Variants in RNF216 observed in about 807,000 individuals in gnomAD.
RNF216 encodes the protein E3 ubiquitin-protein ligase RNF216.
RNF216 carries 72 observed loss-of-function variants against 110.8 expected under a neutral mutation model. The observed-to-expected ratio is 0.65, with a 90% CI of 0.54 to 0.79. The LOEUF (loss-of-function observed/expected upper bound fraction) is 0.79, where lower values mean the gene tolerates loss of function less well. Ranked by LOEUF, RNF216 falls within the 30% of genes least tolerant of loss-of-function variation. The pLI, the probability that RNF216 is intolerant of heterozygous loss-of-function variation, is 0.00. For synonymous variants in RNF216, 495 were observed against 407.5 expected (o/e 1.21, Z -2.59); for missense variants, 1,342 against 1,141.2 (o/e 1.18, Z -2.54).
chr7:5,699,255 T>C (rs923358051), intron 13 of RNF216, among the ~76,000 whole-genome samples: 1 of 152,154 alleles, frequency 6.6e-6, no homozygotes, highest in African/African-American at 2.4e-5. Flanking sequence ...AATATTTCAG[T>C]TTGTATCTGC....
rs745635533 is a variant in RNF216 at position 5,761,107 on chromosome 7, T to A, written c.-38A>T. Reference sequence around the variant, plus strand: ...ACATGCATATATGGGACTGCTAATATCTAAACATGGTGACCATCTGTTTCA... The same window carrying A: ...ACATGCATATATGGGACTGCTAATAACTAAACATGGTGACCATCTGTTTCA... On this transcript the variant is annotated 5_prime_UTR_variant, in exon 2 of 17. Transcript: ENST00000389902. The A allele has an allele frequency of 5.1e-6, 7 of 1,368,052 alleles. No homozygotes were observed. The Admixed American group carries it at 1.5e-4, about 29-fold the overall frequency. The allele number at this position is 1,368,052 out of a possible 1,614,324, so 84.7% of individuals were successfully genotyped here. A position where few individuals can be genotyped will look rare whatever the true frequency, so the allele number is the denominator to read the frequency against.
intron 15 of RNF216, among the ~76,000 whole-genome samples, chr7:5,636,458 T>C (rs1021631289): frequency 1.3e-5 from 2 of 152,216 alleles, no homozygotes; most frequent in African/African-American, 2.4e-5. Flanking sequence ...TCATTAAGGA[T>C]GAAAACTCAA....
rs7788185 is a variant in RNF216, at chr7:5,628,681, C to G, written c.2383-4556G>C. Among the ~76,000 whole-genome samples, 364 of 134,308 alleles carry G rather than the reference C, an allele frequency of 2.7e-3. 1 individual carries two copies. The highest frequency in any genetic ancestry group is 1.0e-2 in the African/African-American group (345 of 34,632). 88.1% of individuals were successfully genotyped at this position (134,308 alleles called of 152,430 possible). On this transcript the variant is annotated intron_variant, in intron 15 of 16. Transcript: ENST00000389902. ...AGACTACAGGCGCCCACCACCATAT[C>G]TGACTTTTTTTTTTTTTTTTGTAGA...
chr7:5,713,010 T>A, intron 11 of RNF216, 147 bp from the exon 12 acceptor site: 1 of 773,994 alleles, frequency 1.3e-6, no homozygotes, highest in Non-Finnish European at 2.0e-6. Context: ...ACTTAAATCA[T>A]GGAAACCATG....
rs1791656173 is a variant in RNF216 at position 5,696,769 on chromosome 7, A to C, written c.2061+14992T>G. 6.6e-6 allele frequency among the ~76,000 whole-genome samples: 1 copy of C among 152,168 alleles called. No homozygotes were observed. The highest frequency in any genetic ancestry group is 1.5e-5 in the Non-Finnish European group (1 of 68,028). On this transcript the variant is annotated intron_variant, in intron 13 of 16. Coordinates refer to ENST00000389902, the MANE Select transcript of RNF216 (RefSeq NM_207111.4). The surrounding 1 kb of genome is among the most constrained non-coding windows in gnomAD (Gnocchi z 5.4). Reference sequence around the variant, plus strand: ...AGTAATCACAGCAAATACCTGCAACATTGTACGAACGGGCTCTGGGAGGGC... The same window carrying C: ...AGTAATCACAGCAAATACCTGCAACCTTGTACGAACGGGCTCTGGGAGGGC...
At chr7:5,670,273 C>G (rs1051225181) in intron 13 of RNF216, among the ~76,000 whole-genome samples, 1 of 151,978 alleles carries the variant, frequency 6.6e-6, no homozygotes, top group Non-Finnish European at 1.5e-5. Flanking sequence ...GTGAGACTTT[C>G]AGGATCCATT....
chr7:5,642,054 A>AAAG (rs1787766972), intron 14 of RNF216, among the ~76,000 whole-genome samples: 1 of 151,066 alleles, frequency 6.6e-6, no homozygotes, highest in African/African-American at 2.4e-5. Flanking sequence ...AAGAAAAAAA[A>AAAG]AAAGAAAGAA....
intron 1 of RNF216, among the ~76,000 whole-genome samples, chr7:5,763,229 C>T (rs1428944312): frequency 6.6e-6 from 1 of 152,144 alleles, no homozygotes. Context: ...TTAAGTCACA[C>T]TCCACATATT....
At chr7:5,732,382 C>T (rs1297318930) in intron 5 of RNF216, among the ~76,000 whole-genome samples, 3 of 152,094 alleles carry the variant, frequency 2.0e-5, no homozygotes, top group African/African-American at 7.2e-5. Context: ...TACGTGTTTT[C>T]TCAAGTAAAT....
intron 15 of RNF216, among the ~76,000 whole-genome samples, chr7:5,638,324 T>C (rs77309054): frequency 0.012 from 1,857 of 152,336 alleles, 38 homozygotes; most frequent in African/African-American, 0.042. Context: ...TTAAATGGTG[T>C]TTCTAAATTT....
intron 13 of RNF216, among the ~76,000 whole-genome samples, chr7:5,672,884 G>T (rs1340366506): frequency 6.6e-6 from 1 of 152,156 alleles, no homozygotes; most frequent in Non-Finnish European, 1.5e-5. Flanking sequence ...ATAATGCTGA[G>T]GAGCCCTACT....
At chr7:5,658,801 C>T (rs1458549714) in intron 13 of RNF216, among the ~76,000 whole-genome samples, 3 of 151,830 alleles carry the variant, frequency 2.0e-5, no homozygotes, top group Admixed American at 6.6e-5. Flanking sequence ...ACACATGTAA[C>T]GTACAAATAA....
chr7:5,716,656 T>G (rs1584502671), intron 10 of RNF216, 60 bp downstream of exon 10: 2 of 1,353,240 alleles, frequency 1.5e-6, no homozygotes, highest in East Asian at 2.4e-5. Context: ...TGACAAAACA[T>G]GGTAAGAGAA....
chr7:5,655,904 T>A (rs1788710958), intron 13 of RNF216, among the ~76,000 whole-genome samples: 2 of 152,158 alleles, frequency 1.3e-5, no homozygotes, highest in South Asian at 4.1e-4. Context: ...TCACCCTGGC[T>A]GGAGTGCTGT....
At chr7:5,641,423 G>C in intron 14 of RNF216, 47 bp from the exon 15 acceptor site, 31 of 1,454,660 alleles carry the variant, frequency 2.1e-5, no homozygotes, top group Non-Finnish European at 3.0e-5. Context: ...AGATGAGGAG[G>C]AAAAAAATAT....
Position 5,765,290 on chromosome 7 carries a change from T to C in RNF216, c.-69-4152A>G, listed in dbSNP as rs1245868666. ...AGCCTGGGCAACACAGTGAGGACTA[T>C]CTATACTGAAAATACAAAAATTAGC... On this transcript the variant is annotated intron_variant, in intron 1 of 16. Coordinates refer to ENST00000389902, the MANE Select transcript of RNF216 (RefSeq NM_207111.4). Among the ~76,000 whole-genome samples, 4 of 150,138 alleles carry C rather than the reference T, an allele frequency of 2.7e-5. No individual in the cohort carries two copies. The East Asian group carries it at 8.0e-4, about 30-fold the overall frequency.
chr7:5,756,064 G>A (rs1795624101), intron 2 of RNF216, among the ~76,000 whole-genome samples: 1 of 152,148 alleles, frequency 6.6e-6, no homozygotes, highest in South Asian at 2.1e-4. Context: ...CGGGACAGGT[G>A]GAGGTAATCG....
In RNF216 at chr7:5,730,823, G is replaced by A. The variant is rs139784853; in HGVS notation, c.1122-6C>T. The A allele has an allele frequency of 0.072, 112,157 of 1,558,386 alleles. 4,634 individuals carry two copies. Among genetic ancestry groups the A allele is most frequent in the African/African-American group, 0.3 (21,203 of 70,758 alleles). ...CCAGAAGAAAATTACAAAGTCTGCAGAAACAAATGATGTTACTTTCATACT... is the reference window on the plus strand; with the variant it reads ...CCAGAAGAAAATTACAAAGTCTGCAAAAACAAATGATGTTACTTTCATACT... On this transcript the variant is annotated splice_region_variant and splice_polypyrimidine_tract_variant and intron_variant, in intron 5 of 16. Coordinates refer to ENST00000389902, the MANE Select transcript of RNF216 (RefSeq NM_207111.4).
chr7:5,665,421 T>C (rs1341052273), intron 13 of RNF216, among the ~76,000 whole-genome samples: 1 of 152,204 alleles, frequency 6.6e-6, no homozygotes, highest in Non-Finnish European at 1.5e-5. Context: ...CTACCATTTC[T>C]ATGTACAGAA....
Sources: gnomAD v4.1 joint callset for allele counts (sites outside exome capture counted in the v4.1 genomes callset) on GRCh38, gnomAD v4.1.1 for gene constraint, Gnocchi (gnomAD v3.1) non-coding constraint, MANE v1.5 for transcripts, NCBI Gene and HGNC (gene_info 2026-07-23, HGNC 2026-07-21) for gene names.